The following TBC1D4 variants were observed in gnomAD, a reference collection of about 807,000 sequenced individuals.
TBC1D4 encodes TBC1 domain family member 4, also known as TBC (Tre-2, BUB2, CDC16) domain-containing protein.
In TBC1D4, 121 loss-of-function variants were observed where a neutral mutation model predicts 142.5. The observed-to-expected ratio is 0.85, with a 90% CI of 0.73 to 0.99. The LOEUF (loss-of-function observed/expected upper bound fraction) is 0.99. TBC1D4 is among the 50% of genes least tolerant of loss of function. TBC1D4 has a pLI of 0.00. For missense variants in TBC1D4, 1,475 were observed against 1,606.6 expected (o/e 0.92, Z 1.40); for synonymous variants, 630 against 628.2 (o/e 1.00, Z -0.04).
At chr13:75,474,570 A>G (rs1888556125) in intron 1 of TBC1D4, among the ~76,000 whole-genome samples, 1 of 152,082 alleles carries the variant, frequency 6.6e-6, no homozygotes, top group East Asian at 1.9e-4. Context: ...AAAAGAAAAG[A>G]AAACAAGCTT....
At chr13:75,319,118 T>C (rs1439553233) in intron 12 of TBC1D4, among the ~76,000 whole-genome samples, 1 of 152,246 alleles carries the variant, frequency 6.6e-6, no homozygotes, top group Non-Finnish European at 1.5e-5. Flanking sequence ...GTCTTACACC[T>C]AACCATGACT....
intron 1 of TBC1D4, among the ~76,000 whole-genome samples, chr13:75,448,227 G>A (rs928638657): frequency 6.6e-6 from 1 of 152,136 alleles, no homozygotes; most frequent in African/African-American, 2.4e-5. Flanking sequence ...ACAAGTGAAT[G>A]AGCTGGGACA....
intron 1 of TBC1D4, among the ~76,000 whole-genome samples, chr13:75,388,792 A>G (rs1884317540): frequency 6.6e-6 from 1 of 152,204 alleles, no homozygotes; most frequent in Non-Finnish European, 1.5e-5. Context: ...AGTCTTCCAC[A>G]TGTCCACAGT....
intron 1 of TBC1D4, among the ~76,000 whole-genome samples, chr13:75,473,207 G>A (rs1479379943): frequency 6.6e-6 from 1 of 152,030 alleles, no homozygotes; most frequent in Non-Finnish European, 1.5e-5. Flanking sequence ...CACTGTGTTG[G>A]CCAGGCTGGT....
chr13:75,334,537 G>A (rs536078669), intron 8 of TBC1D4, among the ~76,000 whole-genome samples: 1 of 151,408 alleles, frequency 6.6e-6, no homozygotes, highest in African/African-American at 2.4e-5. Context: ...TTTTATTTTT[G>A]TAATTTTTTT....
intron 1 of TBC1D4, among the ~76,000 whole-genome samples, chr13:75,386,350 A>G (rs566051796): frequency 1.3e-5 from 2 of 151,970 alleles, no homozygotes; most frequent in South Asian, 4.2e-4. Context: ...TAAAATAATA[A>G]ATGTGCTTTT....
At chr13:75,376,525 G>A (rs576635623) in intron 1 of TBC1D4, among the ~76,000 whole-genome samples, 10 of 152,068 alleles carry the variant, frequency 6.6e-5, no homozygotes, top group Non-Finnish European at 1.3e-4. Flanking sequence ...TTACAGGCAT[G>A]TGCCACCATG....
intron 17 of TBC1D4, 141 bp downstream of exon 17, chr13:75,299,189 A>G (rs1430125915): frequency 7.0e-7 from 1 of 1,438,404 alleles, no homozygotes; most frequent in Admixed American, 2.0e-5. Flanking sequence ...CACTAAGTGA[A>G]CTAAAACATG....
intron 5 of TBC1D4, among the ~76,000 whole-genome samples, chr13:75,344,831 C>T (rs766586754): frequency 6.6e-6 from 1 of 152,150 alleles, no homozygotes; most frequent in Non-Finnish European, 1.5e-5. Flanking sequence ...AAGAATACTA[C>T]AATTCTGAAT....
intron 12 of TBC1D4, among the ~76,000 whole-genome samples, chr13:75,314,915 G>C (rs1878145439): frequency 6.6e-6 from 1 of 152,180 alleles, no homozygotes; most frequent in African/African-American, 2.4e-5. Context: ...GGGAGGCAGA[G>C]GTTGCAGTGA....
At position 75,362,053 on chromosome 13, in the gene TBC1D4, C is replaced by T. The variant is rs576572791; in HGVS notation, c.1053G>A (p.Ser351=). ...SAPSHVQPSD[S]EKNRTMLFQV... Reference sequence around the variant, plus strand: ...GGAAGAGCATGGTCCTGTTCTTCTCCGAGTCCGAGGGCTGGACGTGACTGG... The same window carrying T: ...GGAAGAGCATGGTCCTGTTCTTCTCTGAGTCCGAGGGCTGGACGTGACTGG... The change falls in exon 2 of 21, where the codon TCG becomes TCA. Residue 351 remains serine (S), a synonymous_variant. Transcript: ENST00000377636. This position sits in a 1 kb window ranked among gnomAD's most constrained non-coding sequence, Gnocchi z 4.2. The T allele has an allele frequency of 3.1e-6, 5 of 1,614,114 alleles. No homozygotes were observed. Among genetic ancestry groups the T allele is most frequent in the South Asian group, 1.1e-5 (1 of 91,080 alleles).
chr13:75,291,973 T>C (rs1478519417), intron 19 of TBC1D4, 129 bp downstream of exon 19: 2 of 817,174 alleles, frequency 2.4e-6, no homozygotes, highest in Non-Finnish European at 3.7e-6. Context: ...TTCACAATAG[T>C]CCCCTTTCTA....
intron 5 of TBC1D4, among the ~76,000 whole-genome samples, chr13:75,348,039 G>A (rs1239800499): frequency 3.9e-5 from 6 of 152,134 alleles, no homozygotes; most frequent in African/African-American, 1.4e-4. Flanking sequence ...TACTTGGAAG[G>A]CTGAGGCAGG....
chr13:75,310,293 T>C, intron 13 of TBC1D4, 142 bp from the exon 14 acceptor site: 1 of 835,986 alleles, frequency 1.2e-6, no homozygotes, highest in Non-Finnish European at 2.0e-6. Context: ...TTTCTGCAGC[T>C]AATATTTAAG....
intron 1 of TBC1D4, among the ~76,000 whole-genome samples, chr13:75,480,867 G>GCGCACGCA (rs1381121083): frequency 5.8e-4 from 66 of 114,652 alleles, no homozygotes; most frequent in African/African-American, 2.1e-3. Flanking sequence ...GCGCTCGCGC[G>GCGCACGCA]CACACGCACG....
At chr13:75,450,855 T>C (rs1279161004) in intron 1 of TBC1D4, among the ~76,000 whole-genome samples, 1 of 152,170 alleles carries the variant, frequency 6.6e-6, no homozygotes, top group African/African-American at 2.4e-5. Context: ...GCATAAACTA[T>C]CTAGGGCCCA....
At chr13:75,341,452 C>A (rs959011286) in intron 6 of TBC1D4, 44 bp downstream of exon 6, 2 of 1,577,390 alleles carry the variant, frequency 1.3e-6, no homozygotes, top group Non-Finnish European at 1.7e-6. Flanking sequence ...GGATCCAATT[C>A]TCATTCCTTA....
At chr13:75,292,820 C>G (rs993502229) in intron 18 of TBC1D4, among the ~76,000 whole-genome samples, 4 of 152,000 alleles carry the variant, frequency 2.6e-5, no homozygotes, top group African/African-American at 9.7e-5. Context: ...ACTCTAAGCC[C>G]TGCTTTCCTA....
intron 1 of TBC1D4, among the ~76,000 whole-genome samples, chr13:75,461,769 C>T (rs558171861): frequency 6.3e-4 from 96 of 152,180 alleles, no homozygotes; most frequent in Non-Finnish European, 1.3e-3. Context: ...TTAAATGTTA[C>T]TTATTTATCA....
Sources: gnomAD v4.1 joint callset for allele counts (sites outside exome capture counted in the v4.1 genomes callset) on GRCh38, gnomAD v4.1.1 for gene constraint, Gnocchi (gnomAD v3.1) non-coding constraint, MANE v1.5 for transcripts, NCBI Gene and HGNC (gene_info 2026-07-23, HGNC 2026-07-21) for gene names.